The following AK6 variants were observed in gnomAD, a reference collection of about 807,000 sequenced individuals.
AK6 encodes the protein adenylate kinase isoenzyme 6.
In AK6, 24 loss-of-function variants were observed where a neutral mutation model predicts 23.7. The ratio of observed to expected loss-of-function variants is 1.01; its 90% CI spans 0.73 to 1.43. The LOEUF (loss-of-function observed/expected upper bound fraction) is 1.43, where lower values mean the gene tolerates loss of function less well. Among genes scored for constraint, AK6 ranks in the 40% most tolerant of loss-of-function variants. The pLI, the probability that AK6 is intolerant of heterozygous loss-of-function variation, is 0.00. For synonymous variants in AK6, 73 were observed against 69.8 expected (o/e 1.05, Z -0.23); for missense variants, 191 against 199.1 (o/e 0.96, Z 0.24).
At position 69,352,239 on chromosome 5, in the gene AK6, T is replaced by A. The variant is rs1199836288; in HGVS notation, c.341A>T (p.Lys114Met). ...ERLETRGYNE[K>M]KLTDNIQCEI... is the part of the protein sequence containing the mutation. ...ACACTGAATATTGTCTGTTAGTTTC[T>A]TCTCATTATAACCCCTAGAAGGCAG... Residue 114 changes from lysine (K) to methionine (M), a missense_variant, in exon 5 of 5, where the codon AAG becomes ATG. Coordinates refer to ENST00000380822, the MANE Select transcript of AK6 (RefSeq NM_016283.5). 7 of 1,612,958 alleles carry A rather than the reference T, an allele frequency of 4.3e-6. No homozygotes were observed. The highest frequency in any genetic ancestry group is 5.9e-6 in the Non-Finnish European group (7 of 1,179,494).
chr5:69,357,396 C>A (rs73772542), intron 2 of AK6, among the ~76,000 whole-genome samples: 2,183 of 152,292 alleles, frequency 0.014, 65 homozygotes, highest in African/African-American at 0.05. Flanking sequence ...TTACTTTATA[C>A]CACAAACCCC....
At chr5:69,353,463 A>C (rs1762002668) in intron 4 of AK6, among the ~76,000 whole-genome samples, 1 of 151,956 alleles carries the variant, frequency 6.6e-6, no homozygotes, top group African/African-American at 2.4e-5. Context: ...ACGCCCAGCT[A>C]ATCTTTGTAT....
intron 2 of AK6, among the ~76,000 whole-genome samples, chr5:69,361,721 C>T (rs1762242539): frequency 6.6e-6 from 1 of 151,866 alleles, no homozygotes; most frequent in Non-Finnish European, 1.5e-5. Flanking sequence ...TCTCCTGTCT[C>T]AGCCTCCCGA....
rs1379448970 is a variant in AK6 at position 69,355,899 on chromosome 5, T to C, written c.176A>G (p.Asp59Gly). Residue 59 changes from aspartate to glycine, a missense_variant, in exon 3 of 5, where the codon GAC becomes GGC. Asp to Gly is a moderately conservative substitution (Grantham distance 94). Coordinates refer to ENST00000380822, the MANE Select transcript of AK6 (RefSeq NM_016283.5). ...EEYDCPILDE[D>G]RVVDELDNQM... Reference sequence around the variant, plus strand: ...TTATGAAAAAGTCATACTTACTCTGTCTTCATCTAAAATGGGACAGTCATA... The same window carrying C: ...TTATGAAAAAGTCATACTTACTCTGCCTTCATCTAAAATGGGACAGTCATA... 2 of 1,610,174 alleles carry C rather than the reference T, an allele frequency of 1.2e-6. No homozygotes were observed. Among genetic ancestry groups the C allele is most frequent in the South Asian group, 2.2e-5 (2 of 89,816 alleles).
chr5:69,369,378 G>T lies in AK6; in HGVS notation c.28+85C>A, dbSNP rs993007574. ...CCGGCCTCTGAAGAGGGCAGTGAGG[G>T]GCCCCCACCTGGGCGCCCGATGCCC... is the stretch of plus-strand genomic sequence containing the variant. On this transcript the variant is annotated intron_variant, in intron 1 of 4. Coordinates refer to ENST00000380822, the MANE Select transcript of AK6 (RefSeq NM_016283.5). The T allele has an allele frequency of 7.9e-6, 12 of 1,513,428 alleles. No homozygotes were observed. In the African/African-American group the frequency reaches 1.6e-4, roughly 20 times the overall value. 93.7% of individuals were successfully genotyped at this position (1,513,428 alleles called of 1,614,324 possible).
chr5:69,362,153 T>C lies in AK6; in HGVS notation c.121+4350A>G, dbSNP rs189428944. Among the ~76,000 whole-genome samples, 469 of 152,162 alleles carry C rather than the reference T, an allele frequency of 3.1e-3. 4 individuals carry two copies. Among genetic ancestry groups the C allele is most frequent in the African/African-American group, 0.011 (458 of 41,498 alleles). On this transcript the variant is annotated intron_variant, in intron 2 of 4. Coordinates refer to ENST00000380822, the MANE Select transcript of AK6 (RefSeq NM_016283.5). Reference sequence around the variant, plus strand: ...GAGCATCGGAATAAGCCTTATTTCTTTACAGCAAGATTTCTCAACCTTATT... The same window carrying C: ...GAGCATCGGAATAAGCCTTATTTCTCTACAGCAAGATTTCTCAACCTTATT...
chr5:69,362,505 A>G (rs996558757), intron 2 of AK6, among the ~76,000 whole-genome samples: 1 of 152,308 alleles, frequency 6.6e-6, no homozygotes, highest in South Asian at 2.1e-4. Context: ...GTACCTCATC[A>G]GGCTGGGCAC....
At chr5:69,358,462 G>A (rs1203320848) in intron 2 of AK6, among the ~76,000 whole-genome samples, 1 of 140,860 alleles carries the variant, frequency 7.1e-6, no homozygotes, top group Non-Finnish European at 1.5e-5. Context: ...AGGCTGCAGT[G>A]AGCTGAGATC....
At chr5:69,365,025 T>C in intron 2 of AK6, 17 of 1,614,164 alleles carry the variant, frequency 1.1e-5, no homozygotes, top group Non-Finnish European at 1.4e-5. Context: ...TGATGATTCA[T>C]TGGCAGTATT....
chr5:69,352,875 C>T (rs1254115800), intron 4 of AK6, among the ~76,000 whole-genome samples: 1 of 150,640 alleles, frequency 6.6e-6, no homozygotes, highest in African/African-American at 2.5e-5. Flanking sequence ...TTCCATATTA[C>T]CCAGCAATTC....
rs546419375 is a variant in AK6, at chr5:69,357,676, A to G, written c.122-1723T>C. ...AATCAGTAAACACACATGAAAAAAT[A>G]CTGAATTTTCCTAGCTATTAAAGAG... On this transcript the variant is annotated intron_variant, in intron 2 of 4. Coordinates refer to ENST00000380822, the MANE Select transcript of AK6 (RefSeq NM_016283.5). 5.3e-5 allele frequency among the ~76,000 whole-genome samples: 8 copies of G among 152,340 alleles called. No individual in the cohort carries two copies. The East Asian group carries it at 1.5e-3, about 29-fold the overall frequency.
Position 69,366,536 on chromosome 5 carries a change from T to C in AK6, c.88A>G (p.Lys30Glu). The C allele has an allele frequency of 6.2e-7, 1 of 1,614,096 alleles. No homozygotes were observed. The highest frequency in any genetic ancestry group is 8.5e-7 in the Non-Finnish European group (1 of 1,180,004). Residue 30 changes from lysine to glutamate, a missense_variant, in exon 2 of 5, where the codon AAA becomes GAA. Lys to Glu is a moderately conservative substitution (Grantham distance 56). Coordinates refer to ENST00000380822, the MANE Select transcript of AK6 (RefSeq NM_016283.5). ...GKELASKSGL[K>E]YINVGDLARE... Reference sequence around the variant, plus strand: ...GCTAAATCACCCACATTAATGTATTTCAGTCCTGATTTTGACGCAAGTTCT... The same window carrying C: ...GCTAAATCACCCACATTAATGTATTCCAGTCCTGATTTTGACGCAAGTTCT...
intron 2 of AK6, among the ~76,000 whole-genome samples, chr5:69,359,329 C>T (rs909324186): frequency 6.6e-6 from 1 of 152,090 alleles, no homozygotes; most frequent in Non-Finnish European, 1.5e-5. Flanking sequence ...ACTGCAACCT[C>T]CGTCTCCTGG....
upstream of AK6, chr5:69,369,577 G>A: frequency 6.2e-7 from 1 of 1,604,736 alleles, no homozygotes; most frequent in Non-Finnish European, 8.5e-7. Context: ...GGCAGCAAAA[G>A]CCCACGGCCC....
intron 4 of AK6, 64 bp downstream of exon 4, chr5:69,355,585 A>G (rs1762062217): frequency 3.4e-6 from 5 of 1,477,944 alleles, no homozygotes; most frequent in African/African-American, 2.8e-5. Context: ...ATCATGGCCA[A>G]TTTCAGAAAT....
intron 1 of AK6, chr5:69,367,828 G>A (rs927883508): frequency 9.2e-5 from 14 of 152,162 alleles, no homozygotes; most frequent in African/African-American, 3.1e-4. Context: ...TTACAGGCAT[G>A]AGCCACCCAC....
intron 2 of AK6, among the ~76,000 whole-genome samples, chr5:69,361,278 C>T (rs1348722114): frequency 3.9e-5 from 6 of 152,010 alleles, no homozygotes; most frequent in East Asian, 1.9e-4. Flanking sequence ...TCTGCCACCA[C>T]GCCCGGCTAA....
chr5:69,368,488 C>G (rs1050059011), intron 1 of AK6, among the ~76,000 whole-genome samples: 2 of 152,136 alleles, frequency 1.3e-5, no homozygotes, highest in South Asian at 2.1e-4. Context: ...ACTTAATAAC[C>G]AGGGCACTAT....
At chr5:69,369,419 C>G in intron 1 of AK6, 44 bp downstream of exon 1, 1 of 1,602,686 alleles carries the variant, frequency 6.2e-7, no homozygotes, top group Non-Finnish European at 8.5e-7. Flanking sequence ...ACTCTGCGCC[C>G]CCAGCCTGCC....
Sources: allele counts gnomAD v4.1 joint callset (sites outside exome capture counted in the v4.1 genomes callset), GRCh38; gene constraint gnomAD v4.1.1; transcripts MANE v1.5; gene names NCBI Gene and HGNC (gene_info 2026-07-23, HGNC 2026-07-21).